SLC43A1: variants seen among roughly 807,000 people sequenced by gnomAD.
SLC43A1 encodes the protein large neutral amino acids transporter small subunit 3.
Under a neutral mutation model 59.5 loss-of-function variants are expected in SLC43A1, and 31 were observed. The observed-to-expected ratio is 0.52, with a 90% CI of 0.39 to 0.70. The LOEUF is 0.70. SLC43A1 is among the 30% of genes least tolerant of loss of function. SLC43A1 has a pLI of 0.00. For missense variants in SLC43A1, 598 were observed against 717.8 expected, an observed-to-expected ratio of 0.83 and a Z score of 1.91; for synonymous variants, 259 against 290.9, an observed-to-expected ratio of 0.89 and a Z score of 1.12.
intron 2 of SLC43A1, among the ~76,000 whole-genome samples, chr11:57,510,183 G>A (rs755425132): frequency 3.1e-4 from 47 of 151,946 alleles, no homozygotes; most frequent in Admixed American, 5.9e-4. Flanking sequence ...CAGGCCGGGC[G>A]CGGTGGCTCA....
chr11:57,494,256 G>A (rs893790323), intron 7 of SLC43A1, 85 bp from the exon 8 acceptor site: 13 of 1,293,924 alleles, frequency 1.0e-5, no homozygotes, highest in African/African-American at 1.5e-5. Flanking sequence ...CCATCCCAGC[G>A]GTTTCCAGCA....
rs1203468864 is a variant in SLC43A1 at position 57,484,589 on chromosome 11, G to A, written c.*507C>T. On this transcript the variant is annotated 3_prime_UTR_variant, in exon 15 of 15. Coordinates refer to ENST00000278426, the MANE Select transcript of SLC43A1 (RefSeq NM_003627.6). ...ACTTGCAAGCAGCAGCACCAGAGAG[G>A]GAACCTGCCCTCCTGGCCCTGGAAG... 1 of 152,350 alleles carries A rather than the reference G, an allele frequency of 6.6e-6. No individual in the cohort carries two copies. Among genetic ancestry groups the A allele is most frequent in the African/African-American group, 2.4e-5 (1 of 41,446 alleles). 9.4% of individuals were successfully genotyped at this position (152,350 alleles called of 1,614,324 possible).
chr11:57,501,375 C>A, intron 2 of SLC43A1, 46 bp from the exon 3 acceptor site: 1 of 1,594,274 alleles, frequency 6.3e-7, no homozygotes. Flanking sequence ...CCAGGAACAG[C>A]TGGGCACAGG....
intron 13 of SLC43A1, among the ~76,000 whole-genome samples, chr11:57,488,514 AG>A (rs1242720263): frequency 2.6e-5 from 4 of 152,180 alleles, no homozygotes; most frequent in African/African-American, 9.7e-5. Flanking sequence ...TCACATACAC[AG>A]GGGAGAGTCC....
chr11:57,488,708 G>C (rs1943813321), intron 13 of SLC43A1, among the ~76,000 whole-genome samples: 1 of 152,192 alleles, frequency 6.6e-6, no homozygotes. Flanking sequence ...CATCAAGCCA[G>C]GTATTTCAGC....
At chr11:57,512,234 T>C (rs1944566112) in intron 2 of SLC43A1, among the ~76,000 whole-genome samples, 1 of 152,066 alleles carries the variant, frequency 6.6e-6, no homozygotes, top group African/African-American at 2.4e-5. Flanking sequence ...TATGATGTAA[T>C]CTTCAAGAAA....
intron 2 of SLC43A1, among the ~76,000 whole-genome samples, chr11:57,513,210 G>A (rs960435743): frequency 1.3e-5 from 2 of 152,202 alleles, no homozygotes; most frequent in Admixed American, 1.3e-4. Flanking sequence ...ACAACACAGA[G>A]GTTGGGGAAA....
intron 2 of SLC43A1, among the ~76,000 whole-genome samples, chr11:57,510,848 C>T (rs1175729025): frequency 3.3e-5 from 5 of 151,586 alleles, no homozygotes; most frequent in African/African-American, 9.7e-5. Context: ...AAAAATTAGC[C>T]GAGCATGGTG....
At chr11:57,509,672 AGGAG>A (rs1364942376) in intron 2 of SLC43A1, among the ~76,000 whole-genome samples, 33 of 87,146 alleles carry the variant, frequency 3.8e-4, no homozygotes, top group African/African-American at 1.4e-3. Context: ...GAGGAAGGGA[AGGAG>A]GGAGGGAGGG....
chr11:57,487,241 CA>C, intron 13 of SLC43A1, 23 bp from the exon 14 acceptor site: 1 of 1,608,372 alleles, frequency 6.2e-7, no homozygotes, highest in South Asian at 1.1e-5. Flanking sequence ...CGGGGAGTAT[CA>C]GGGGTGTGTG....
At position 57,496,065 on chromosome 11, in the gene SLC43A1, C is replaced by T. The variant is rs1393276159; in HGVS notation, c.658G>A (p.Glu220Lys). ...FLNCTLNWPI[E>K]AFPAPEEVNY... is the part of the protein sequence containing the mutation. ...ACTTCCTCAGGGGCAGGAAAGGCTT[C>T]GATGGGCCAGTTGAGGGTGCAGTTC... The change falls in exon 7 of 15, where the codon GAA (glutamate) becomes AAA (lysine). Residue 220 changes from glutamate (E) to lysine (K), a missense_variant. By Grantham distance (56) the Glu-to-Lys change is moderately conservative (BLOSUM62 1). Transcript: ENST00000278426. 20 of 1,613,982 alleles carry T rather than the reference C, an allele frequency of 1.2e-5. No individual in the cohort carries two copies. Among genetic ancestry groups the T allele is most frequent in the Non-Finnish European group, 1.6e-5 (19 of 1,180,008 alleles).
chr11:57,498,464 AAAAG>A (rs757366618), intron 5 of SLC43A1, among the ~76,000 whole-genome samples: 18 of 152,198 alleles, frequency 1.2e-4, no homozygotes, highest in African/African-American at 3.6e-4. Context: ...AAAAGAAAAG[AAAAG>A]AAAGAAACAG....
chr11:57,500,904 G>C, intron 4 of SLC43A1, 49 bp from the exon 5 acceptor site: 6 of 1,609,072 alleles, frequency 3.7e-6, no homozygotes, highest in Non-Finnish European at 5.1e-6. Context: ...GCTGTGGGAA[G>C]CCAAGGGCGG....
In SLC43A1 at chr11:57,489,398, G is replaced by A; in HGVS notation, c.1194-6C>T. 3.1e-6 allele frequency: 5 copies of A among 1,614,090 alleles called. No homozygotes were observed. Among genetic ancestry groups the A allele is most frequent in the South Asian group, 1.1e-5 (1 of 91,076 alleles). ...ATTTGGTAGCAACCCCGTCCCTGAG[G>A]AGTACGGGAAGTCACTGGCTGCTGC... is the stretch of plus-strand genomic sequence containing the variant. On this transcript the variant is annotated splice_region_variant and splice_polypyrimidine_tract_variant and intron_variant, in intron 11 of 14. Coordinates refer to ENST00000278426, the MANE Select transcript of SLC43A1 (RefSeq NM_003627.6).
At chr11:57,493,064 GA>G (rs1214402825) in intron 8 of SLC43A1, among the ~76,000 whole-genome samples, 9 of 151,934 alleles carry the variant, frequency 5.9e-5, no homozygotes, top group Non-Finnish European at 1.2e-4. Flanking sequence ...AGAAACAAAA[GA>G]AAAAAACTCT....
chr11:57,485,273 A>G (rs1398360315), intron 14 of SLC43A1, 31 bp from the exon 15 acceptor site: 1 of 1,594,018 alleles, frequency 6.3e-7, no homozygotes. Flanking sequence ...AACAGAGTCA[A>G]GTAGGTAGTC....
At position 57,501,293 on chromosome 11, in the gene SLC43A1, C is replaced by T. The variant is rs1268927955; in HGVS notation, c.191G>A (p.Arg64His). The T allele has an allele frequency of 3.1e-6, 5 of 1,611,348 alleles. No individual in the cohort carries two copies. Among genetic ancestry groups the T allele is most frequent in the East Asian group, 4.5e-5 (2 of 44,884 alleles). Residue 64 changes from arginine (R) to histidine (H), a missense_variant, in exon 3 of 15, where the codon CGC becomes CAC. By Grantham distance (29) the Arg-to-His change is conservative (BLOSUM62 0). Transcript: ENST00000278426. ...SSTNTTQDEQRRWPGCDQQDE... is the reference protein window; with the variant it reads ...SSTNTTQDEQHRWPGCDQQDE... ...CTGCTGGTCACAGCCTGGCCACCTG[C>T]GCTGCTCATCCTGGGTGGTGTTGGT...
chr11:57,488,383 C>G (rs1943803834), intron 13 of SLC43A1, among the ~76,000 whole-genome samples: 1 of 152,168 alleles, frequency 6.6e-6, no homozygotes, highest in African/African-American at 2.4e-5. Flanking sequence ...CTGCCGAGAC[C>G]GCTGCAGTGA....
intron 14 of SLC43A1, 65 bp downstream of exon 14, chr11:57,487,030 C>T (rs999521087): frequency 1.9e-6 from 3 of 1,566,414 alleles, no homozygotes; most frequent in African/African-American, 2.7e-5. Context: ...GCACCACATA[C>T]AAGGCCCTAC....
Sources: allele counts gnomAD v4.1 joint callset (sites outside exome capture counted in the v4.1 genomes callset), GRCh38; gene constraint gnomAD v4.1.1; transcripts MANE v1.5; gene names NCBI Gene and HGNC (gene_info 2026-07-23, HGNC 2026-07-21).